Variants in MAGEL2 observed in about 807,000 individuals in gnomAD.
MAGEL2 encodes the protein MAGE-like protein 2.
For synonymous variants in MAGEL2, 792 were observed against 721.7 expected (o/e 1.10, Z -1.56); for missense variants, 1,830 against 1,699.2 (o/e 1.08, Z -1.35).
chr15:23,645,946 C>A lies in MAGEL2; in HGVS notation c.1797G>T (p.Glu599Asp). ...APKGQPPVPH[E>D]IPTSMEFQEV... ...CCTGGAATTCCATTGACGTTGGAAT[C>A]TCGTGTGGCACCGGGGGCTGACCTT... The change falls in exon 1 of 1, where the codon GAG (glutamate) becomes GAT (aspartate). Residue 599 changes from glutamate to aspartate, a missense_variant. By Grantham distance (45) the Glu-to-Asp change is conservative (BLOSUM62 2). Transcript: ENST00000650528. 6.4e-7 allele frequency: 1 copy of A among 1,568,732 alleles called. No homozygotes were observed.
Position 23,646,932 on chromosome 15 carries a change from G to A in MAGEL2, c.811C>T (p.Pro271Ser), listed in dbSNP as rs1336264832. ...GCCATCGGTGCTCCTGAAGGCTGAG[G>A]CTGGGTCATCATGGCTGCTGGAGGC... ...QPPPAAMMTQ[P>S]QPSGAPMAKP... is the part of the protein sequence containing the mutation. Residue 271 changes from proline (P) to serine (S), a missense_variant, in exon 1 of 1, where the codon CCT becomes TCT. By Grantham distance (74) the Pro-to-Ser change is moderately conservative (BLOSUM62 -1). Transcript: ENST00000650528. The surrounding 1 kb of genome is among the most constrained non-coding windows in gnomAD (Gnocchi z 4.2). The A allele has an allele frequency of 1.3e-6, 2 of 1,537,078 alleles. No individual in the cohort carries two copies. Among genetic ancestry groups the A allele is most frequent in the African/African-American group, 1.4e-5 (1 of 73,158 alleles).
At position 23,645,692 on chromosome 15, in the gene MAGEL2, GGCTGGAGCGGCA is replaced by G. The variant is rs1890383292; in HGVS notation, c.2039_2050del (p.Leu680_Gln683del). ...GACTGCAGGCGGTGCCTGCCAGGAA[GGCTGGAGCGGCA>G]GTGTGGGCACCTCCGCTTGCGGACC... is the stretch of plus-strand genomic sequence containing the variant. On this transcript the variant is annotated inframe_deletion, in exon 1 of 1. Transcript: ENST00000650528. The G allele has an allele frequency of 6.4e-7, 1 of 1,556,618 alleles. No homozygotes were observed. Among genetic ancestry groups the G allele is most frequent in the African/African-American group, 1.4e-5 (1 of 73,212 alleles).
rs964072839 is a variant in MAGEL2 at position 23,647,524 on chromosome 15, G to A, written c.219C>T (p.Pro73=). 5.2e-6 allele frequency: 8 copies of A among 1,531,230 alleles called. No homozygotes were observed. In the Admixed American group the frequency reaches 8.0e-5, roughly 15 times the overall value. 94.9% of individuals were successfully genotyped at this position (1,531,230 alleles called of 1,614,324 possible). The change falls in exon 1 of 1, where the codon CCC becomes CCT. Residue 73 remains proline (P), a synonymous_variant. Transcript: ENST00000650528. ...GCTGGGTCATCGGAACCACCGGGGC[G>A]GGCAGCTGGCCCTGTGGGGCCTCCC... ...PAWEAPQGQL[P]APVVPMTQPP...
rs756210530 is a variant in MAGEL2, at chr15:23,644,312, C to T, written c.3431G>A (p.Arg1144Gln). ...NFLFKLGLDV[R>Q]ETNGLFGNTK... ...ATTTCCAAAGAGACCGTTTGTCTCC[C>T]GGACATCCAACCCTAACTTGAACAG... The change falls in exon 1 of 1, where the codon CGG becomes CAG. Residue 1144 changes from arginine to glutamine, a missense_variant. By Grantham distance (43) the Arg-to-Gln change is conservative. Transcript: ENST00000650528. 8.7e-6 allele frequency: 14 copies of T among 1,613,576 alleles called. No individual in the cohort carries two copies. Among genetic ancestry groups the T allele is most frequent in the East Asian group, 2.2e-5 (1 of 44,882 alleles).
At position 23,645,200 on chromosome 15, in the gene MAGEL2, G is replaced by C. The variant is rs777433159; in HGVS notation, c.2543C>G (p.Ser848Trp). The C allele has an allele frequency of 8.3e-5, 134 of 1,613,776 alleles. No individual in the cohort carries two copies. The highest frequency in any genetic ancestry group is 1.6e-4 in the Middle Eastern group (1 of 6,084). ...CATCAGGAAGGTGGGCACTGCCTGC[G>C]ATGCCTTTGAGGCATTCATATTGGG... is the stretch of plus-strand genomic sequence containing the variant. ...PQPNMNASKASQAVPTFLMAT... is the reference protein window; with the variant it reads ...PQPNMNASKAWQAVPTFLMAT... The change falls in exon 1 of 1, where the codon TCG (serine) becomes TGG (tryptophan). Residue 848 changes from serine (S) to tryptophan (W), a missense_variant. Transcript: ENST00000650528.
Position 23,644,145 on chromosome 15 carries a change from A to G in MAGEL2, c.3598T>C (p.Phe1200Leu). Reference sequence around the variant, plus strand: ...TCTTTCTTATGGAGCTTGGCCAAAAACCTCAGGACAAGCATCTTGCTGGTT... The same window carrying G: ...TCTTTCTTATGGAGCTTGGCCAAAAGCCTCAGGACAAGCATCTTGCTGGTT... ...LETSKMLVLR[F>L]LAKLHKKDPQ... Residue 1200 changes from phenylalanine to leucine, a missense_variant, in exon 1 of 1, where the codon TTT (phenylalanine) becomes CTT (leucine). Phe to Leu is a conservative substitution (Grantham distance 22). Transcript: ENST00000650528. 4 of 1,613,868 alleles carry G rather than the reference A, an allele frequency of 2.5e-6. No homozygotes were observed. Among genetic ancestry groups the G allele is most frequent in the Non-Finnish European group, 3.4e-6 (4 of 1,179,858 alleles).
rs1345096812 is a variant in MAGEL2, at chr15:23,647,624, G to T, written c.119C>A (p.Pro40Gln). 3.9e-6 allele frequency: 6 copies of T among 1,536,728 alleles called. No homozygotes were observed. Among genetic ancestry groups the T allele is most frequent in the Non-Finnish European group, 4.4e-6 (5 of 1,146,828 alleles). ...TGGAGGTGGATCCCAAGGGACTGGCGGAGCCCGGGAGGAAGCGGGCGGGGC... is the reference window on the plus strand; with the variant it reads ...TGGAGGTGGATCCCAAGGGACTGGCTGAGCCCGGGAGGAAGCGGGCGGGGC... ...MRAPPASSRA[P>Q]PVPWDPPPID... The change falls in exon 1 of 1, where the codon CCG becomes CAG. Residue 40 changes from proline to glutamine, a missense_variant. Coordinates refer to ENST00000650528, the MANE Select transcript of MAGEL2 (RefSeq NM_019066.5).
At position 23,647,752 on chromosome 15, in the gene MAGEL2, C is replaced by T. The variant is rs1890453578; in HGVS notation, c.-10G>A. ...TACTTAGCTGCGACATGTCCCTTTGCTGACAGCTGGTGGGTCTTTTCCTCG... is the reference window on the plus strand; with the variant it reads ...TACTTAGCTGCGACATGTCCCTTTGTTGACAGCTGGTGGGTCTTTTCCTCG... On this transcript the variant is annotated 5_prime_UTR_variant, in exon 1 of 1. Coordinates refer to ENST00000650528, the MANE Select transcript of MAGEL2 (RefSeq NM_019066.5). 6.9e-7 allele frequency: 1 copy of T among 1,442,690 alleles called. No homozygotes were observed. Among genetic ancestry groups the T allele is most frequent in the Non-Finnish European group, 9.1e-7 (1 of 1,103,158 alleles). 89.4% of individuals were successfully genotyped at this position (1,442,690 alleles called of 1,614,324 possible).
In MAGEL2 at chr15:23,647,212, G is replaced by C. The variant is rs1380046337; in HGVS notation, c.531C>G (p.Thr177=). 1.3e-6 allele frequency: 2 copies of C among 1,519,438 alleles called. No individual in the cohort carries two copies. Among genetic ancestry groups the C allele is most frequent in the Admixed American group, 2.0e-5 (1 of 49,488 alleles). The allele number at this position is 1,519,438 out of a possible 1,614,324, so 94.1% of individuals were successfully genotyped here. A position where few individuals can be genotyped will look rare whatever the true frequency, so the allele number is the denominator to read the frequency against. ...CCGGAGGAGGAGGATGCACCATCGG[G>C]GTCCCCGGAGGAGGAGGATGGGCCA... ...TPMAHPPPPG[T]PMVHPPPPGT... is the part of the protein sequence containing the mutation. The change falls in exon 1 of 1, where the codon ACC becomes ACG. Residue 177 remains threonine, a synonymous_variant. Coordinates refer to ENST00000650528, the MANE Select transcript of MAGEL2 (RefSeq NM_019066.5).
In MAGEL2 at chr15:23,647,145, C is replaced by T. The variant is rs1890432182; in HGVS notation, c.598G>A (p.Ala200Thr). Residue 200 changes from alanine to threonine, a missense_variant, in exon 1 of 1, where the codon GCT becomes ACT. Ala to Thr is a moderately conservative substitution (Grantham distance 58). Coordinates refer to ENST00000650528, the MANE Select transcript of MAGEL2 (RefSeq NM_019066.5). The part of the protein sequence containing the change: ...AHPPPPGTPM[A>T]HPPPPGTPMA... ...GGTGTCCCCGGAGGGGGAGGATGAG[C>T]CATCGGTGTCCCCGGAGGGGGAGGA... The T allele has an allele frequency of 6.5e-7, 1 of 1,526,792 alleles. No homozygotes were observed. The allele number at this position is 1,526,792 out of a possible 1,614,324, so 94.6% of individuals were successfully genotyped here.
Position 23,646,001 on chromosome 15 carries a change from T to C in MAGEL2, c.1742A>G (p.His581Arg), listed in dbSNP as rs751478832. 6.4e-7 allele frequency: 1 copy of C among 1,551,988 alleles called. No homozygotes were observed. The highest frequency in any genetic ancestry group is 8.7e-7 in the Non-Finnish European group (1 of 1,147,972). The change falls in exon 1 of 1, where the codon CAC becomes CGC. Residue 581 changes from histidine (H) to arginine (R), a missense_variant. His to Arg is a conservative substitution (Grantham distance 29). Coordinates refer to ENST00000650528, the MANE Select transcript of MAGEL2 (RefSeq NM_019066.5). The surrounding 1 kb of genome is among the most constrained non-coding windows in gnomAD (Gnocchi z 4.2). ...SAPLSAPQAV[H>R]CPSIIWQAPK... The stretch of plus-strand genomic sequence containing the variant: ...GGCCTGCCAGATGATGGAAGGGCAG[T>C]GCACAGCCTGCGGGGCAGACAGTGG...
rs111759069 is a variant in MAGEL2, at chr15:23,646,664, G to T, written c.1079C>A (p.Ala360Glu). ...QVPQGPQAPPAQLATPPGWQA... is the reference protein window; with the variant it reads ...QVPQGPQAPPEQLATPPGWQA... ...CCAGCCCGGGGGTGTGGCTAGCTGC[G>T]CTGGGGGTGCCTGCGGGCCCTGGGG... The change falls in exon 1 of 1, where the codon GCG becomes GAG. Residue 360 changes from alanine to glutamate, a missense_variant. Physicochemically the swap from Ala to Glu is moderately radical, Grantham distance 107. Transcript: ENST00000650528. The surrounding 1 kb of genome is among the most constrained non-coding windows in gnomAD (Gnocchi z 4.2). The T allele has an allele frequency of 1.3e-6, 2 of 1,504,550 alleles. No homozygotes were observed. The highest frequency in any genetic ancestry group is 2.5e-5 in the East Asian group (1 of 40,590). The allele number at this position is 1,504,550 out of a possible 1,614,324, so 93.2% of individuals were successfully genotyped here.
In MAGEL2 at chr15:23,646,604, T is replaced by TGCTGCGTGGCCTGCCATCCTG; in HGVS notation, c.1118_1138dup (p.Pro373_Gln379dup). ...AGTCAGGGGAGTGGCCTGCCAGCCTTGCTGCGTGGCCTGCCATCCTGGCGA... is the reference window on the plus strand; with the variant it reads ...AGTCAGGGGAGTGGCCTGCCAGCCTTGCTGCGTGGCCTGCCATCCTGGCTGCGTGGCCTGCCATCCTGGCGA... On this transcript the variant is annotated inframe_insertion, in exon 1 of 1. Transcript: ENST00000650528. This position sits in a 1 kb window ranked among gnomAD's most constrained non-coding sequence, Gnocchi z 4.2. The TGCTGCGTGGCCTGCCATCCTG allele has an allele frequency of 6.8e-7, 1 of 1,472,020 alleles. No homozygotes were observed. The highest frequency in any genetic ancestry group is 1.4e-5 in the African/African-American group (1 of 71,248). The allele number at this position is 1,472,020 out of a possible 1,614,324, so 91.2% of individuals were successfully genotyped here.
chr15:23,647,595 C>T lies in MAGEL2; in HGVS notation c.148G>A (p.Asp50Asn). The change falls in exon 1 of 1, where the codon GAC becomes AAC. Residue 50 changes from aspartate (D) to asparagine (N), a missense_variant. Asp to Asn is a conservative substitution (Grantham distance 23). Transcript: ENST00000650528. ...PPVPWDPPPI[D>N]LQASLAAWQA... is the part of the protein sequence containing the mutation. ...CAAGCGGCCAATGAAGCCTGCAAGT[C>T]AATTGGAGGTGGATCCCAAGGGACT... 2 of 1,536,694 alleles carry T rather than the reference C, an allele frequency of 1.3e-6. No homozygotes were observed. The highest frequency in any genetic ancestry group is 1.7e-6 in the Non-Finnish European group (2 of 1,146,832).
chr15:23,643,871 G>T lies in MAGEL2; in HGVS notation c.*122C>A. 1 of 1,130,162 alleles carries T rather than the reference G, an allele frequency of 8.8e-7. No homozygotes were observed. Among genetic ancestry groups the T allele is most frequent in the Non-Finnish European group, 1.2e-6 (1 of 834,046 alleles). The allele number at this position is 1,130,162 out of a possible 1,614,324, so 70.0% of individuals were successfully genotyped here. A position where few individuals can be genotyped will look rare whatever the true frequency, so the allele number is the denominator to read the frequency against. The stretch of plus-strand genomic sequence containing the variant: ...AAAGCTTTGGCAGATACGAAACCAA[G>T]TTGAAAATCCAAACGTACACTCGTG... On this transcript the variant is annotated 3_prime_UTR_variant, in exon 1 of 1. Coordinates refer to ENST00000650528, the MANE Select transcript of MAGEL2 (RefSeq NM_019066.5).
Position 23,646,501 on chromosome 15 carries a change from CG to C in MAGEL2, c.1241del (p.Pro414ArgfsTer23). On this transcript the variant is annotated frameshift_variant, in exon 1 of 1. Transcript: ENST00000650528. LOFTEE classifies it low-confidence loss of function (END_TRUNC). The surrounding 1 kb of genome is among the most constrained non-coding windows in gnomAD (Gnocchi z 4.2). ...QVPPPMRQGP[P>X]PIRPGPPPIR... ...TGGGTGGTGGGCCAGGGCGGATGGG[CG>C]GGGGCCCCTGGCGCATGGGCGGCGG... is the stretch of plus-strand genomic sequence containing the variant. 1 of 1,457,202 alleles carries C rather than the reference CG, an allele frequency of 6.9e-7. No homozygotes were observed. The highest frequency in any genetic ancestry group is 9.0e-7 in the Non-Finnish European group (1 of 1,112,476). 90.3% of individuals were successfully genotyped at this position (1,457,202 alleles called of 1,614,324 possible).
rs1416434306 is a variant in MAGEL2 at position 23,645,406 on chromosome 15, T to C, written c.2337A>G (p.Thr779=). The C allele has an allele frequency of 6.2e-7, 1 of 1,613,828 alleles. No homozygotes were observed. The highest frequency in any genetic ancestry group is 1.3e-5 in the African/African-American group (1 of 74,922). ...TTGAGGAGGGAGCAAAGGTCTCCGG[T>C]GTGGCAGGCAGGTTTTTCCAGGCAG... ...LPAAWKNLPA[T]PETFAPSSSV... Residue 779 remains threonine, a synonymous_variant, in exon 1 of 1, where the codon ACA becomes ACG. Transcript: ENST00000650528.
In MAGEL2 at chr15:23,645,152, G is replaced by T. The variant is rs1370721639; in HGVS notation, c.2591C>A (p.Ala864Glu). The change falls in exon 1 of 1, where the codon GCA becomes GAA. Residue 864 changes from alanine to glutamate, a missense_variant. Coordinates refer to ENST00000650528, the MANE Select transcript of MAGEL2 (RefSeq NM_019066.5). Reference protein sequence around the residue: ...FLMATAAAPQATATTQEASKT... With the variant: ...FLMATAAAPQETATTQEASKT... ...GGAGGCCTCTTGAGTGGTGGCAGTT[G>T]CCTGGGGGGCAGCTGCTGTAGCCAT... 3 of 1,613,732 alleles carry T rather than the reference G, an allele frequency of 1.9e-6. No homozygotes were observed. In the South Asian group the frequency reaches 3.3e-5, roughly 18 times the overall value.
At position 23,646,398 on chromosome 15, in the gene MAGEL2, G is replaced by A. The variant is rs1346981015; in HGVS notation, c.1345C>T (p.Pro449Ser). The A allele has an allele frequency of 2.9e-6, 4 of 1,401,724 alleles. No homozygotes were observed. The highest frequency in any genetic ancestry group is 2.8e-5 in the East Asian group (1 of 35,316). 86.8% of individuals were successfully genotyped at this position (1,401,724 alleles called of 1,614,324 possible). The change falls in exon 1 of 1, where the codon CCC becomes TCC. Residue 449 changes from proline (P) to serine (S), a missense_variant. Pro to Ser is a moderately conservative substitution (Grantham distance 74). Transcript: ENST00000650528. The surrounding 1 kb of genome is among the most constrained non-coding windows in gnomAD (Gnocchi z 4.2). ...ACGGGTGGGGCCTGGCGGATCACGGGTGGGGCCTGGCGGATCACCGGTGGG... is the reference window on the plus strand; with the variant it reads ...ACGGGTGGGGCCTGGCGGATCACGGATGGGGCCTGGCGGATCACCGGTGGG... ...QAPPVIRQAP[P>S]VIRQAPPVIR...
Sources: gnomAD v4.1 joint callset for allele counts on GRCh38, gnomAD v4.1.1 for gene constraint, Gnocchi (gnomAD v3.1) non-coding constraint, MANE v1.5 for transcripts, NCBI Gene and HGNC (gene_info 2026-07-23, HGNC 2026-07-21) for gene names.